The following SLC2A14 variants were observed in gnomAD, a reference collection of about 807,000 sequenced individuals.
SLC2A14 encodes the protein solute carrier family 2, facilitated glucose transporter member 14.
Under a neutral mutation model 43.0 loss-of-function variants are expected in SLC2A14, and 13 were observed. The ratio of observed to expected loss-of-function variants is 0.30; its 90% CI spans 0.20 to 0.48. The LOEUF (loss-of-function observed/expected upper bound fraction) is 0.48. Ranked by LOEUF, SLC2A14 falls within the 20% of genes least tolerant of loss-of-function variation. The probability of loss-of-function intolerance (pLI) is 0.99; values close to 1 mark genes in which losing one functional copy is unlikely to be tolerated. For missense variants in SLC2A14, 428 were observed against 620.4 expected, an observed-to-expected ratio of 0.69 and a Z score of 3.29; for synonymous variants, 190 against 233.8, an observed-to-expected ratio of 0.81 and a Z score of 1.71.
chr12:7,876,699 C>G (rs1945469239), upstream of SLC2A14, among the ~76,000 whole-genome samples: 1 of 152,034 alleles, frequency 6.6e-6, no homozygotes, highest in Admixed American at 6.6e-5. Flanking sequence ...ATCTAAACGT[C>G]TGTGGAGAGA....
intron 1 of SLC2A14, among the ~76,000 whole-genome samples, chr12:7,882,852 C>T (rs922397030): frequency 8.0e-5 from 12 of 150,118 alleles, no homozygotes; most frequent in African/African-American, 2.9e-4. Context: ...TTGCTTGAGA[C>T]TTGTTCACCA....
Position 7,872,878 on chromosome 12 carries a change from C to G in SLC2A14, c.-129G>C, listed in dbSNP as rs1293129933. On this transcript the variant is annotated 5_prime_UTR_variant, in exon 1 of 11. Transcript: ENST00000431042. ...CACGCACCTCCCGGGCCGCTGCGCC[C>G]CCGCCGGCCCCGCCTGCAGCCGTTG... 6 of 985,648 alleles carry G rather than the reference C, an allele frequency of 6.1e-6. No individual in the cohort carries two copies. The highest frequency in any genetic ancestry group is 7.2e-6 in the Non-Finnish European group (6 of 830,132). The allele number at this position is 985,648 out of a possible 1,614,324, so 61.1% of individuals were successfully genotyped here.
At chr12:7,868,015 T>G (rs767109159) in intron 2 of SLC2A14, among the ~76,000 whole-genome samples, 9 of 152,166 alleles carry the variant, frequency 5.9e-5, no homozygotes, top group Non-Finnish European at 1.2e-4. Flanking sequence ...GAAGTTCTAC[T>G]TGGCTAAAAT....
chr12:7,867,245 C>T (rs748427503), intron 2 of SLC2A14, among the ~76,000 whole-genome samples: 2 of 133,768 alleles, frequency 1.5e-5, no homozygotes, highest in South Asian at 4.8e-4. Context: ...CGTGCCACTG[C>T]ACTCCAGCCT....
intron 1 of SLC2A14, among the ~76,000 whole-genome samples, chr12:7,882,632 T>G (rs1241824618): frequency 6.6e-6 from 1 of 151,858 alleles, no homozygotes; most frequent in African/African-American, 2.4e-5. Flanking sequence ...AGCTCAGGGG[T>G]TAAAGACCAG....
chr12:7,883,951 C>A (rs1041374775), intron 1 of SLC2A14, among the ~76,000 whole-genome samples: 1 of 148,842 alleles, frequency 6.7e-6, no homozygotes, highest in South Asian at 2.1e-4. Flanking sequence ...TGAGGCGGAG[C>A]CTTGGTCTGT....
intron 7 of SLC2A14, among the ~76,000 whole-genome samples, chr12:7,823,249 G>T (rs2120704137): frequency 6.6e-6 from 1 of 152,092 alleles, no homozygotes; most frequent in Admixed American, 6.6e-5. Flanking sequence ...TGGGTGTGGT[G>T]GTGGGTACCT....
chr12:7,850,839 T>G (rs1263533379), intron 2 of SLC2A14: 1 of 152,164 alleles, frequency 6.6e-6, no homozygotes, highest in African/African-American at 2.4e-5. Flanking sequence ...ATCTTAGGGC[T>G]TTTTTTCTCT....
upstream of SLC2A14, among the ~76,000 whole-genome samples, chr12:7,874,920 TATATATTTATATATAATTTATATATAA>T (rs1565585070): frequency 2.0e-3 from 184 of 89,890 alleles, 2 homozygotes; most frequent in East Asian, 9.1e-3. Context: ...CATATATAAA[TATATATTTATATATAATTTATATATAA>T]ATATATTTAT....
At chr12:7,889,161 T>G (rs1239050000) in intron 1 of SLC2A14, among the ~76,000 whole-genome samples, 1 of 151,254 alleles carries the variant, frequency 6.6e-6, no homozygotes, top group Non-Finnish European at 1.5e-5. Context: ...GAAAGCAACT[T>G]TATTAAGAAA....
chr12:7,832,368 G>T (rs1196668476), intron 3 of SLC2A14, among the ~76,000 whole-genome samples: 1 of 152,186 alleles, frequency 6.6e-6, no homozygotes, highest in Non-Finnish European at 1.5e-5. Context: ...ACTATAGGGT[G>T]AAAGAGTGGG....
At chr12:7,879,598 C>T (rs1251034940) in intron 1 of SLC2A14, among the ~76,000 whole-genome samples, 4 of 151,890 alleles carry the variant, frequency 2.6e-5, no homozygotes, top group South Asian at 2.1e-4. Flanking sequence ...GCAGGAGAAT[C>T]GCTTGAACCC....
intron 2 of SLC2A14, among the ~76,000 whole-genome samples, chr12:7,863,673 TG>T (rs1415780886): frequency 6.6e-6 from 1 of 151,984 alleles, no homozygotes; most frequent in Non-Finnish European, 1.5e-5. Flanking sequence ...TTCAATTCAT[TG>T]ACATATAAAC....
Position 7,831,604 on chromosome 12 carries a change from C to T in SLC2A14, c.272G>A (p.Arg91Lys). The T allele has an allele frequency of 6.2e-7, 1 of 1,614,090 alleles. No homozygotes were observed. Among genetic ancestry groups the T allele is most frequent in the Non-Finnish European group, 8.5e-7 (1 of 1,180,022 alleles). The change falls in exon 4 of 11, where the codon AGG (arginine) becomes AAG (lysine). Residue 91 changes from arginine to lysine, a missense_variant and splice_region_variant. Around this residue, in one of 4 missense-constraint regions of SLC2A14, gnomAD observed 122 missense variants for 128.8 expected, o/e 0.95. Coordinates refer to ENST00000431042, the MANE Select transcript of SLC2A14 (RefSeq NM_001286234.2). The stretch of plus-strand genomic sequence containing the variant: ...TCCTTGCCCAGTTTCTAGTCAATAC[C>T]TGCCAAAGCGGTTAACAAAGAGTCC... ...SVGLFVNRFG[R>K]RNSMLIVNLL...
At chr12:7,870,465 TTCC>T (rs1220568460) in intron 1 of SLC2A14, among the ~76,000 whole-genome samples, 1 of 152,140 alleles carries the variant, frequency 6.6e-6, no homozygotes, top group African/African-American at 2.4e-5. Flanking sequence ...GTGAGTCTGT[TTCC>T]TCCTCTACCA....
chr12:7,841,106 C>T (rs986377766), intron 2 of SLC2A14, among the ~76,000 whole-genome samples: 6 of 151,956 alleles, frequency 3.9e-5, no homozygotes, highest in Non-Finnish European at 7.4e-5. Context: ...ACAAGTGTTT[C>T]GCTTTGTTTT....
chr12:7,851,761 A>G (rs1244167402), intron 2 of SLC2A14, among the ~76,000 whole-genome samples: 1 of 152,120 alleles, frequency 6.6e-6, no homozygotes, highest in Non-Finnish European at 1.5e-5. Flanking sequence ...TTTAATCTCC[A>G]TTAGACATTG....
At chr12:7,881,800 C>T (rs1018874680) in intron 1 of SLC2A14, among the ~76,000 whole-genome samples, 4 of 152,142 alleles carry the variant, frequency 2.6e-5, no homozygotes, top group Admixed American at 6.6e-5. Flanking sequence ...ATACACCAAT[C>T]GGCACTCTGT....
At chr12:7,830,148 CT>C (rs1864890546) in intron 4 of SLC2A14, 142 bp from the exon 5 acceptor site, 2 of 1,082,492 alleles carry the variant, frequency 1.8e-6, no homozygotes, top group Non-Finnish European at 2.5e-6. Flanking sequence ...ACTTTCTTTT[CT>C]TTTCTTTCTT....
Sources: gnomAD v4.1 joint callset for allele counts (sites outside exome capture counted in the v4.1 genomes callset) on GRCh38, gnomAD v4.1.1 for gene constraint, gnomAD v4.1.1 regional missense constraint, MANE v1.5 for transcripts, NCBI Gene and HGNC (gene_info 2026-07-23, HGNC 2026-07-21) for gene names.